Variants in FTO observed in about 807,000 individuals in gnomAD.
The protein encoded by FTO is FTO alpha-ketoglutarate dependent dioxygenase.
Under a neutral mutation model 63.9 loss-of-function variants are expected in FTO, and 47 were observed. That is an observed-to-expected ratio of 0.74 (90% CI 0.58 to 0.94). FTO has a LOEUF of 0.94. Ranked by LOEUF, FTO falls within the 40% of genes least tolerant of loss-of-function variation. The probability of loss-of-function intolerance (pLI) is 0.00; values close to 1 mark genes in which losing one functional copy is unlikely to be tolerated. For missense variants in FTO, 562 were observed against 618.1 expected, an observed-to-expected ratio of 0.91 and a Z score of 0.96; for synonymous variants, 207 against 224.4, an observed-to-expected ratio of 0.92 and a Z score of 0.69.
At chr16:54,093,835 T>G (rs1199160741) in intron 8 of FTO, among the ~76,000 whole-genome samples, 1 of 152,186 alleles carries the variant, frequency 6.6e-6, no homozygotes, top group Non-Finnish European at 1.5e-5. Context: ...GGCAAGGACA[T>G]GGCCTTGCTT....
At chr16:53,989,366 AT>A (rs1462746755) in intron 8 of FTO, among the ~76,000 whole-genome samples, 1 of 152,208 alleles carries the variant, frequency 6.6e-6, no homozygotes, top group Non-Finnish European at 1.5e-5. Context: ...ATAAAATGAC[AT>A]TGCAAAGGCA....
intron 2 of FTO, among the ~76,000 whole-genome samples, chr16:53,819,594 G>A (rs2078795213): frequency 6.6e-6 from 1 of 151,692 alleles, no homozygotes; most frequent in Non-Finnish European, 1.5e-5. Flanking sequence ...CATATAGGTT[G>A]TACTTTTTTT....
intron 1 of FTO, among the ~76,000 whole-genome samples, chr16:53,734,347 T>G (rs531079000): frequency 3.9e-5 from 6 of 152,242 alleles, no homozygotes; most frequent in Admixed American, 3.3e-4. Flanking sequence ...CTGAATGTTA[T>G]AAACTCTCTG....
At chr16:53,877,935 T>C (rs1333796894) in intron 5 of FTO, among the ~76,000 whole-genome samples, 1 of 152,220 alleles carries the variant, frequency 6.6e-6, no homozygotes, top group Non-Finnish European at 1.5e-5. Flanking sequence ...TAATAACCTA[T>C]GTAGCTCACT....
At chr16:53,736,807 G>A (rs1191652888) in intron 1 of FTO, among the ~76,000 whole-genome samples, 2 of 152,202 alleles carry the variant, frequency 1.3e-5, no homozygotes, top group Middle Eastern at 3.4e-3. Context: ...CGTAACCAGC[G>A]TCTCCTCCCA....
chr16:53,949,866 T>A lies in FTO; in HGVS notation c.1364+15757T>A, dbSNP rs1386702314. 2.0e-5 allele frequency among the ~76,000 whole-genome samples: 3 copies of A among 152,242 alleles called. No homozygotes were observed. The East Asian group carries it at 5.8e-4, about 29-fold the overall frequency. On this transcript the variant is annotated intron_variant, in intron 8 of 8. Coordinates refer to ENST00000471389, the MANE Select transcript of FTO (RefSeq NM_001080432.3). ...TTGAAAAAGGAAGAGGAAAATTAAG[T>A]GGCAAACTGTGTCTCTGGGTTGCCA...
intron 2 of FTO, among the ~76,000 whole-genome samples, chr16:53,813,073 A>G (rs1252447205): frequency 6.6e-6 from 1 of 152,178 alleles, no homozygotes; most frequent in African/African-American, 2.4e-5. Context: ...TGTGCTCTGA[A>G]CCAGCCATCC....
chr16:53,791,938 T>TGATGGCGGGCGC (rs1189247360), intron 1 of FTO, among the ~76,000 whole-genome samples: 2 of 151,874 alleles, frequency 1.3e-5, no homozygotes, highest in Non-Finnish European at 2.9e-5. Flanking sequence ...TATCCGGGCG[T>TGATGGCGGGCGC]GATGGCGGGC....
At chr16:53,965,496 A>C (rs1218156191) in intron 8 of FTO, among the ~76,000 whole-genome samples, 4 of 152,140 alleles carry the variant, frequency 2.6e-5, no homozygotes, top group African/African-American at 9.7e-5. Context: ...TTCTGTTTAA[A>C]AGTAATCACC....
At chr16:53,937,806 A>G (rs1184348764) in intron 8 of FTO, 4 of 152,288 alleles carry the variant, frequency 2.6e-5, no homozygotes, top group African/African-American at 9.6e-5. Flanking sequence ...GGAAGAAATT[A>G]TCATTTGAAA....
chr16:53,873,803 C>G lies in FTO; in HGVS notation c.913C>G (p.His305Asp). 1 of 1,612,846 alleles carries G rather than the reference C, an allele frequency of 6.2e-7. No individual in the cohort carries two copies. Among genetic ancestry groups the G allele is most frequent in the Non-Finnish European group, 8.5e-7 (1 of 1,179,116 alleles). ...TCCTGTAGATGATCTCAATGCCACC[C>G]ACCAACACTGTGTTTTGGCCGGTTC... ...YFMLDDLNAT[H>D]QHCVLAGSQP... is the part of the protein sequence containing the mutation. The change falls in exon 5 of 9, where the codon CAC becomes GAC. Residue 305 changes from histidine (H) to aspartate (D), a missense_variant. Physicochemically the swap from His to Asp is moderately conservative, Grantham distance 81. Transcript: ENST00000471389.
intron 8 of FTO, among the ~76,000 whole-genome samples, chr16:53,974,197 C>G (rs2083388353): frequency 6.6e-6 from 1 of 152,106 alleles, no homozygotes; most frequent in Admixed American, 6.5e-5. Flanking sequence ...ATTAAACTTG[C>G]CTACACCTCA....
At chr16:53,824,674 A>G (rs890729241) in intron 2 of FTO, among the ~76,000 whole-genome samples, 1 of 152,162 alleles carries the variant, frequency 6.6e-6, no homozygotes, top group African/African-American at 2.4e-5. Context: ...GGTAATTACT[A>G]AATGAAGACA....
At chr16:53,883,638 A>C (rs530940952) in intron 6 of FTO, among the ~76,000 whole-genome samples, 2,031 of 147,710 alleles carry the variant, frequency 0.014, 47 homozygotes, top group African/African-American at 0.043. Flanking sequence ...AAAAAAAACA[A>C]AAAAAAAAAA....
At chr16:53,791,171 C>T (rs190172499) in intron 1 of FTO, among the ~76,000 whole-genome samples, 9 of 152,172 alleles carry the variant, frequency 5.9e-5, no homozygotes, top group Admixed American at 5.9e-4. Flanking sequence ...AAGCCAGATC[C>T]TCATAGGGGT....
intron 8 of FTO, among the ~76,000 whole-genome samples, chr16:54,093,454 G>C (rs533435310): frequency 6.6e-6 from 1 of 152,186 alleles, no homozygotes; most frequent in African/African-American, 2.4e-5. Flanking sequence ...TGGCAGGCCG[G>C]GCACGGGGCA....
At chr16:53,725,284 T>C (rs749391319) in intron 1 of FTO, among the ~76,000 whole-genome samples, 6 of 152,250 alleles carry the variant, frequency 3.9e-5, no homozygotes, top group Admixed American at 6.5e-5. Context: ...TGTACATATA[T>C]GCCTGAATAT....
At position 53,825,722 on chromosome 16, in the gene FTO, A is replaced by G. The variant is rs2078986862; in HGVS notation, c.124-142A>G. 6 of 872,130 alleles carry G rather than the reference A, an allele frequency of 6.9e-6. No homozygotes were observed. In the East Asian group the frequency reaches 1.5e-4, roughly 21 times the overall value. The allele number at this position is 872,130 out of a possible 1,614,324, so 54.0% of individuals were successfully genotyped here. ...TTTATTTGGTTTTCTGTTTTGGGCT[A>G]GGAAGATGTGACTCCTATTTAGAAA... is the stretch of plus-strand genomic sequence containing the variant. On this transcript the variant is annotated intron_variant, in intron 2 of 8. Transcript: ENST00000471389.
chr16:53,903,256 GTTT>G (rs10566001), intron 7 of FTO, among the ~76,000 whole-genome samples: 2 of 142,650 alleles, frequency 1.4e-5, no homozygotes, highest in African/African-American at 2.6e-5. Flanking sequence ...GGATATTCTA[GTTT>G]TTTTTTTTTT....
Sources: gnomAD v4.1 joint callset for allele counts (sites outside exome capture counted in the v4.1 genomes callset) on GRCh38, gnomAD v4.1.1 for gene constraint, MANE v1.5 for transcripts, NCBI Gene and HGNC (gene_info 2026-07-23, HGNC 2026-07-21) for gene names.